The following INSL5 variants were observed in gnomAD, a reference collection of about 807,000 sequenced individuals.
INSL5 encodes the protein insulin like 5.
A neutral mutation model predicts 4.3 loss-of-function variants in INSL5; 3 were observed. The observed-to-expected ratio is 0.70, with a 90% CI of 0.32 to 1.82. The LOEUF (loss-of-function observed/expected upper bound fraction) is 1.82. Ranked by LOEUF, INSL5 falls within the 40% of genes most tolerant of loss-of-function variation. The pLI is 0.08. For synonymous variants in INSL5, 68 were observed against 56.6 expected (o/e 1.20, Z -0.90); for missense variants, 168 against 160.9 (o/e 1.04, Z -0.24).
chr1:66,801,007 T>G, intron 1 of INSL5, 40 bp downstream of exon 1: 1 of 1,439,218 alleles, frequency 6.9e-7, no homozygotes, highest in South Asian at 1.3e-5. Context: ...AAAAGAGACA[T>G]GTGAAAGGAA....
chr1:66,800,079 G>C (rs1203297280), intron 1 of INSL5, among the ~76,000 whole-genome samples: 3 of 151,990 alleles, frequency 2.0e-5, no homozygotes, highest in African/African-American at 7.2e-5. Flanking sequence ...TCTAAAAATA[G>C]GATTTTAAAT....
rs1437331896 is a variant in INSL5 at position 66,797,876 on chromosome 1, T to C, written c.*137A>G. ...CACTGTGGTTTCAACCGCTCAGCTATACCTTTTAGAAAAGAAGTTTTGCCT... is the reference window on the plus strand; with the variant it reads ...CACTGTGGTTTCAACCGCTCAGCTACACCTTTTAGAAAAGAAGTTTTGCCT... On this transcript the variant is annotated 3_prime_UTR_variant, in exon 2 of 2. Transcript: ENST00000304526. The C allele has an allele frequency of 3.1e-6, 2 of 636,608 alleles. No individual in the cohort carries two copies. Among genetic ancestry groups the C allele is most frequent in the Admixed American group, 5.5e-5 (2 of 36,244 alleles). 39.4% of individuals were successfully genotyped at this position (636,608 alleles called of 1,614,324 possible).
chr1:66,800,115 G>A (rs1645365473), intron 1 of INSL5, among the ~76,000 whole-genome samples: 1 of 151,960 alleles, frequency 6.6e-6, no homozygotes, highest in South Asian at 2.1e-4. Flanking sequence ...CTTTAATATG[G>A]AATTAACAGA....
intron 1 of INSL5, among the ~76,000 whole-genome samples, chr1:66,798,660 T>G (rs1645357002): frequency 6.6e-6 from 1 of 152,268 alleles, no homozygotes; most frequent in African/African-American, 2.4e-5. Context: ...TTTAAACCTC[T>G]ATATCTGAAA....
intron 1 of INSL5, among the ~76,000 whole-genome samples, chr1:66,800,564 T>C (rs1645368409): frequency 6.8e-6 from 1 of 146,860 alleles, no homozygotes; most frequent in African/African-American, 2.4e-5. Flanking sequence ...CCCAGGATCC[T>C]TATCAGAAAG....
chr1:66,799,540 C>T (rs1645361526), intron 1 of INSL5, among the ~76,000 whole-genome samples: 2 of 151,974 alleles, frequency 1.3e-5, no homozygotes, highest in Admixed American at 1.3e-4. Context: ...AACATGGTGA[C>T]TATAGTTAAT....
chr1:66,800,191 G>A (rs1033990831), intron 1 of INSL5, among the ~76,000 whole-genome samples: 3 of 152,024 alleles, frequency 2.0e-5, no homozygotes, highest in Admixed American at 6.5e-5. Flanking sequence ...GAAGTCAGCC[G>A]CTTCACCGTT....
At chr1:66,800,007 C>T (rs1449045113) in intron 1 of INSL5, among the ~76,000 whole-genome samples, 1 of 151,834 alleles carries the variant, frequency 6.6e-6, no homozygotes, top group Non-Finnish European at 1.5e-5. Flanking sequence ...TATGATTGTG[C>T]CAGCCTGGGT....
Position 66,801,189 on chromosome 1 carries a change from G to C in INSL5, c.33C>G (p.Phe11Leu), listed in dbSNP as rs1371649655. 2 of 1,613,544 alleles carry C rather than the reference G, an allele frequency of 1.2e-6. No homozygotes were observed. Among genetic ancestry groups the C allele is most frequent in the African/African-American group, 1.3e-5 (1 of 75,046 alleles). The change falls in exon 1 of 2, where the codon TTC (phenylalanine) becomes TTG (leucine). Residue 11 changes from phenylalanine to leucine, a missense_variant. Phe to Leu is a conservative substitution (Grantham distance 22). Coordinates refer to ENST00000304526, the MANE Select transcript of INSL5 (RefSeq NM_005478.6). MKGSIFTLFL[F>L]SVLFAISEVR... ...CTTCTGAGATGGCAAATAGGACAGA[G>C]AATAAAAACAGAGTGAAAATGGAGC...
Position 66,798,231 on chromosome 1 carries a change from A to G in INSL5, c.190T>C (p.Ser64Pro). ...TCACGTTTATGTGGGAGCTGGAAGGAGTTTCCTGTCTCAGCTGTATGGAAG... is the reference window on the plus strand; with the variant it reads ...TCACGTTTATGTGGGAGCTGGAAGGGGTTTCCTGTCTCAGCTGTATGGAAG... ...PQAQQAETGN[S>P]FQLPHKREFS... is the part of the protein sequence containing the mutation. The change falls in exon 2 of 2, where the codon TCC becomes CCC. Residue 64 changes from serine to proline, a missense_variant. Transcript: ENST00000304526. 6.2e-7 allele frequency: 1 copy of G among 1,613,908 alleles called. No individual in the cohort carries two copies. The highest frequency in any genetic ancestry group is 1.3e-5 in the African/African-American group (1 of 75,046).
At position 66,798,237 on chromosome 1, in the gene INSL5, C is replaced by T; in HGVS notation, c.184G>A (p.Gly62Arg). 6.2e-7 allele frequency: 1 copy of T among 1,613,224 alleles called. No homozygotes were observed. Among genetic ancestry groups the T allele is most frequent in the South Asian group, 1.1e-5 (1 of 91,060 alleles). Reference sequence around the variant, plus strand: ...TTATGTGGGAGCTGGAAGGAGTTTCCTGTCTCAGCTGTATGGAAGAGAAAA... The same window carrying T: ...TTATGTGGGAGCTGGAAGGAGTTTCTTGTCTCAGCTGTATGGAAGAGAAAA... ...GIPQAQQAET[G>R]NSFQLPHKRE... The change falls in exon 2 of 2, where the codon GGA becomes AGA. Residue 62 changes from glycine (G) to arginine (R), a missense_variant. Gly to Arg is a moderately radical substitution (Grantham distance 125, BLOSUM62 -2). Coordinates refer to ENST00000304526, the MANE Select transcript of INSL5 (RefSeq NM_005478.6).
At chr1:66,800,863 C>T (rs138245755) in intron 1 of INSL5, among the ~76,000 whole-genome samples, 184 bp downstream of exon 1, 1 of 152,260 alleles carries the variant, frequency 6.6e-6, no homozygotes, top group East Asian at 1.9e-4. Context: ...TGAAAGGTAG[C>T]ATGCTCATCA....
intron 1 of INSL5, among the ~76,000 whole-genome samples, chr1:66,798,710 T>C (rs1645357309): frequency 6.6e-6 from 1 of 152,228 alleles, no homozygotes; most frequent in Admixed American, 6.5e-5. Context: ...AAGTGTTGTT[T>C]CCAAAGTTCA....
intron 1 of INSL5, among the ~76,000 whole-genome samples, chr1:66,799,962 T>A (rs1399813026): frequency 1.3e-5 from 2 of 152,034 alleles, no homozygotes; most frequent in African/African-American, 4.8e-5. Flanking sequence ...GGTGTGAGGA[T>A]CACTTGAGTG....
At chr1:66,800,951 A>G (rs1645371907) in intron 1 of INSL5, 96 bp downstream of exon 1, 1 of 929,156 alleles carries the variant, frequency 1.1e-6, no homozygotes, top group African/African-American at 1.6e-5. Context: ...CAGTACTTAG[A>G]GAAACACTTA....
chr1:66,800,644 T>G (rs1645368856), intron 1 of INSL5, among the ~76,000 whole-genome samples: 2 of 152,302 alleles, frequency 1.3e-5, no homozygotes, highest in South Asian at 4.1e-4. Context: ...CTTCTTTCCT[T>G]GCATCCATAT....
intron 1 of INSL5, among the ~76,000 whole-genome samples, chr1:66,798,625 C>A (rs149702113): frequency 6.6e-6 from 1 of 152,080 alleles, no homozygotes; most frequent in African/African-American, 2.4e-5. Context: ...CCTGCAATCT[C>A]GATCAGTAAA....
At chr1:66,799,706 G>A (rs1340771081) in intron 1 of INSL5, among the ~76,000 whole-genome samples, 2 of 152,034 alleles carry the variant, frequency 1.3e-5, no homozygotes, top group African/African-American at 4.8e-5. Flanking sequence ...ACAATATGTT[G>A]TACACAATAA....
At position 66,797,834 on chromosome 1, in the gene INSL5, A is replaced by G. The variant is rs1446071669; in HGVS notation, c.*179T>C. The G allele has an allele frequency of 5.4e-6, 3 of 558,028 alleles. No individual in the cohort carries two copies. The highest frequency in any genetic ancestry group is 2.9e-5 in the East Asian group (1 of 34,922). The allele number at this position is 558,028 out of a possible 1,614,324, so 34.6% of individuals were successfully genotyped here. A position where few individuals can be genotyped will look rare whatever the true frequency, so the allele number is the denominator to read the frequency against. Reference sequence around the variant, plus strand: ...AAGAACAGTTCATTAACCTTGGCAAAGGGAGAAAATAGAGATCACTGTGGT... The same window carrying G: ...AAGAACAGTTCATTAACCTTGGCAAGGGGAGAAAATAGAGATCACTGTGGT... On this transcript the variant is annotated 3_prime_UTR_variant, in exon 2 of 2. Coordinates refer to ENST00000304526, the MANE Select transcript of INSL5 (RefSeq NM_005478.6).
Sources: allele counts gnomAD v4.1 joint callset (sites outside exome capture counted in the v4.1 genomes callset), GRCh38; gene constraint gnomAD v4.1.1; transcripts MANE v1.5; gene names NCBI Gene and HGNC (gene_info 2026-07-23, HGNC 2026-07-21).